PLBD1: variants seen among roughly 807,000 people sequenced by gnomAD.
PLBD1 encodes lysosomal leucine aminopeptidase.
A neutral mutation model predicts 63.0 loss-of-function variants in PLBD1; 60 were observed. That is an observed-to-expected ratio of 0.95 (90% CI 0.77 to 1.18). The LOEUF is 1.18. Among genes scored for constraint, PLBD1 ranks in the 50% most tolerant of loss-of-function variants. The pLI, the probability that PLBD1 is intolerant of heterozygous loss-of-function variation, is 0.00. For missense variants in PLBD1, 598 were observed against 677.9 expected (o/e 0.88, Z 1.31); for synonymous variants, 262 against 248.0 (o/e 1.06, Z -0.53).
At chr12:14,506,897 T>A in intron 9 of PLBD1, 36 bp downstream of exon 9, 1 of 1,579,772 alleles carries the variant, frequency 6.3e-7, no homozygotes, top group South Asian at 1.1e-5. Flanking sequence ...AGAAAAGGAG[T>A]TTTGAAGAAT....
intron 1 of PLBD1, among the ~76,000 whole-genome samples, chr12:14,555,515 C>A (rs1019795873): frequency 3.3e-5 from 5 of 151,898 alleles, no homozygotes; most frequent in Non-Finnish European, 5.9e-5. Context: ...CCAGCCTGGG[C>A]AAAAAAGTGC....
At position 14,542,310 on chromosome 12, in the gene PLBD1, A is replaced by G; in HGVS notation, c.336-19T>C. On this transcript the variant is annotated intron_variant, in intron 2 of 10. Transcript: ENST00000240617. ...CATGTGTCTGAAATGATACATGAAA[A>G]TTATTACATTTATATTTTTCTTCTT... 2 of 1,535,472 alleles carry G rather than the reference A, an allele frequency of 1.3e-6. No individual in the cohort carries two copies. Among genetic ancestry groups the G allele is most frequent in the African/African-American group, 1.4e-5 (1 of 73,148 alleles).
chr12:14,554,287 A>AGGAACTCT (rs1309770500), intron 1 of PLBD1: 1 of 152,168 alleles, frequency 6.6e-6, no homozygotes, highest in Non-Finnish European at 1.5e-5. Flanking sequence ...TACCACCTTT[A>AGGAACTCT]GGAACTCTGT....
In PLBD1 at chr12:14,511,582, CTT is replaced by C; in HGVS notation, c.972_973del (p.Arg325SerfsTer10). 6.2e-7 allele frequency: 1 copy of C among 1,614,228 alleles called. No homozygotes were observed. Among genetic ancestry groups the C allele is most frequent in the Non-Finnish European group, 8.5e-7 (1 of 1,180,038 alleles). On this transcript the variant is annotated frameshift_variant, in exon 7 of 11. Transcript: ENST00000240617. LOFTEE classifies it high-confidence loss of function. ...TGCCATCATATTGGCCACACGGACTCTTTGCCAGGACAGGAGAGTCTCGGGTA... is the reference window on the plus strand; with the variant it reads ...TGCCATCATATTGGCCACACGGACTCTGCCAGGACAGGAGAGTCTCGGGTA...
chr12:14,521,026 A>G (rs955423188), intron 6 of PLBD1, among the ~76,000 whole-genome samples: 1 of 152,148 alleles, frequency 6.6e-6, no homozygotes, highest in Non-Finnish European at 1.5e-5. Flanking sequence ...AGGGCCAGTA[A>G]CCACTGTTTG....
At chr12:14,504,230 A>G (rs566299582) in intron 10 of PLBD1, among the ~76,000 whole-genome samples, 1 of 152,234 alleles carries the variant, frequency 6.6e-6, no homozygotes, top group East Asian at 1.9e-4. Flanking sequence ...TTATATTTTT[A>G]GTAGAGATGG....
At position 14,540,013 on chromosome 12, in the gene PLBD1, C is replaced by CTTAATTAT. The variant is rs1555147086; in HGVS notation, c.558+750_558+751insATAATTAA. Among the ~76,000 whole-genome samples the CTTAATTAT allele has an allele frequency of 3.1e-3, 70 of 22,714 alleles. 4 individuals carry two copies. Among genetic ancestry groups the CTTAATTAT allele is most frequent in the East Asian group, 9.7e-3 (6 of 616 alleles). 14.9% of individuals were successfully genotyped at this position (22,714 alleles called of 152,430 possible). ...AAAAAGTTCAAAGAAAAGCTATGCA[C>CTTAATTAT]ATATATATATATATATATATATATA... On this transcript the variant is annotated intron_variant, in intron 4 of 10. Coordinates refer to ENST00000240617, the MANE Select transcript of PLBD1 (RefSeq NM_024829.6).
intron 1 of PLBD1, among the ~76,000 whole-genome samples, chr12:14,566,776 CTATT>C (rs1945787619): frequency 1.4e-5 from 2 of 142,782 alleles, no homozygotes; most frequent in Admixed American, 1.5e-4. Flanking sequence ...GAATATAATC[CTATT>C]TAGGATTATA....
rs1312896400 is a variant in PLBD1 at position 14,503,921 on chromosome 12, A to G, written c.1513T>C (p.Ser505Pro). 3 of 1,613,854 alleles carry G rather than the reference A, an allele frequency of 1.9e-6. No individual in the cohort carries two copies. The highest frequency in any genetic ancestry group is 4.5e-5 in the East Asian group (2 of 44,894). ...ADIYLASQYT[S>P]YAISGPTVQG... Reference sequence around the variant, plus strand: ...ACTGTGGGACCACTTATGGCATAGGATGTGTACTGAGATGCTAGGTAGATA... The same window carrying G: ...ACTGTGGGACCACTTATGGCATAGGGTGTGTACTGAGATGCTAGGTAGATA... Residue 505 changes from serine (S) to proline (P), a missense_variant, in exon 11 of 11, where the codon TCC (serine) becomes CCC (proline). By Grantham distance (74) the Ser-to-Pro change is moderately conservative. Transcript: ENST00000240617.
chr12:14,506,341 A>G (rs2136902407), intron 9 of PLBD1, 73 bp from the exon 10 acceptor site: 1 of 1,115,174 alleles, frequency 9.0e-7, no homozygotes, highest in Non-Finnish European at 1.3e-6. Context: ...TAAGGTTTTG[A>G]GGCCTGTTAA....
At chr12:14,563,476 C>T (rs1261126224) in intron 1 of PLBD1, among the ~76,000 whole-genome samples, 4 of 152,044 alleles carry the variant, frequency 2.6e-5, no homozygotes, top group Admixed American at 2.6e-4. Flanking sequence ...CAAGATCGCG[C>T]CTTTGCACTC....
intron 8 of PLBD1, among the ~76,000 whole-genome samples, chr12:14,510,226 A>C (rs1229573597): frequency 6.6e-6 from 1 of 152,136 alleles, no homozygotes. Flanking sequence ...CCCCGTCTCT[A>C]CTAAAAACAC....
At position 14,535,750 on chromosome 12, in the gene PLBD1, A is replaced by T. The variant is rs369533906; in HGVS notation, c.753T>A (p.Tyr251Ter). Residue 251 changes from tyrosine to a stop codon, truncating the protein, a stop_gained, in exon 6 of 11, where the codon TAT becomes TAA. Transcript: ENST00000240617. LOFTEE classifies it high-confidence loss of function. ...GTTTATATATCCTGAGCATGGCTGC[A>T]TACGTGTACCAGCTTGAGTGAGCAA... ...ILFAHSSWYT[Y>*]AAMLRIYKHW... is the part of the protein sequence containing the mutation. The T allele has an allele frequency of 3.1e-5, 50 of 1,613,974 alleles. No individual in the cohort carries two copies. Among genetic ancestry groups the T allele is most frequent in the Non-Finnish European group, 3.4e-6 (4 of 1,179,926 alleles).
chr12:14,545,395 A>T (rs1945609573), intron 2 of PLBD1, among the ~76,000 whole-genome samples: 2 of 152,226 alleles, frequency 1.3e-5, no homozygotes, highest in Non-Finnish European at 2.9e-5. Context: ...TCCATATTTT[A>T]TCACTTTGTT....
chr12:14,550,222 G>A (rs368454173), intron 2 of PLBD1, among the ~76,000 whole-genome samples: 6 of 152,222 alleles, frequency 3.9e-5, no homozygotes, highest in Admixed American at 6.5e-5. Context: ...GTTGTTCTCC[G>A]CAGTAGAGTT....
chr12:14,552,103 A>C (rs183053722), intron 2 of PLBD1, among the ~76,000 whole-genome samples: 9 of 152,342 alleles, frequency 5.9e-5, no homozygotes, highest in Admixed American at 5.9e-4. Flanking sequence ...AAAATAGATT[A>C]AGACTGACAT....
At chr12:14,506,038 C>G in intron 10 of PLBD1, 124 bp downstream of exon 10, 1 of 596,504 alleles carries the variant, frequency 1.7e-6, no homozygotes, top group Non-Finnish European at 2.9e-6. Context: ...TCTGAAAAAG[C>G]TGATTCCTGG....
chr12:14,517,946 T>C (rs933347336), intron 6 of PLBD1, among the ~76,000 whole-genome samples: 4 of 152,148 alleles, frequency 2.6e-5, no homozygotes, highest in African/African-American at 4.8e-5. Flanking sequence ...TTTGGGAGGC[T>C]GAGGCAGGCG....
chr12:14,543,194 T>C (rs966637756), intron 2 of PLBD1, among the ~76,000 whole-genome samples: 1 of 152,134 alleles, frequency 6.6e-6, no homozygotes, highest in South Asian at 2.1e-4. Context: ...ATACTTTTGT[T>C]ATTTTCTTTT....
Sources: gnomAD v4.1 joint callset for allele counts (sites outside exome capture counted in the v4.1 genomes callset) on GRCh38, gnomAD v4.1.1 for gene constraint, MANE v1.5 for transcripts, NCBI Gene and HGNC (gene_info 2026-07-23, HGNC 2026-07-21) for gene names.